The following CADM2 variants were observed in gnomAD, a reference collection of about 807,000 sequenced individuals.
CADM2 encodes the protein immunoglobulin superfamily member 4D.
CADM2 carries 12 observed loss-of-function variants against 49.8 expected under a neutral mutation model. The ratio of observed to expected loss-of-function variants is 0.24; its 90% CI spans 0.15 to 0.39. The LOEUF is 0.39. Ranked by LOEUF, CADM2 falls within the 10% of genes least tolerant of loss-of-function variation. The probability of loss-of-function intolerance (pLI) is 1.00; values close to 1 mark genes in which losing one functional copy is unlikely to be tolerated. For missense variants in CADM2, 378 were observed against 492.3 expected (o/e 0.77, Z 2.20); for synonymous variants, 214 against 175.4 (o/e 1.22, Z -1.74).
chr3:85,999,174 A>G (rs1232968926), intron 8 of CADM2, among the ~76,000 whole-genome samples: 1 of 151,746 alleles, frequency 6.6e-6, no homozygotes, highest in Non-Finnish European at 1.5e-5. Context: ...CAAATGTTTC[A>G]GAGAGGCCAA....
intron 1 of CADM2, among the ~76,000 whole-genome samples, chr3:85,332,222 A>G (rs2107154874): frequency 6.6e-6 from 1 of 152,224 alleles, no homozygotes; most frequent in South Asian, 2.1e-4. Context: ...ATAGTGGAAT[A>G]TTAGATGCAA....
intron 2 of CADM2, among the ~76,000 whole-genome samples, chr3:85,738,355 T>G (rs2068233229): frequency 6.6e-6 from 1 of 152,234 alleles, no homozygotes; most frequent in African/African-American, 2.4e-5. Flanking sequence ...TCACTTTTCA[T>G]GCATGAAATA....
At chr3:85,005,327 A>C (rs1274239288) in intron 1 of CADM2, among the ~76,000 whole-genome samples, 1 of 152,166 alleles carries the variant, frequency 6.6e-6, no homozygotes, top group African/African-American at 2.4e-5. Context: ...ATTTATAAAA[A>C]GAGGCAGTGG....
rs569345014 is a variant in CADM2 at position 85,995,914 on chromosome 3, A to C, written c.970+34267A>C. On this transcript the variant is annotated intron_variant, in intron 8 of 9. Coordinates refer to ENST00000383699, the MANE Select transcript of CADM2 (RefSeq NM_001167675.2). ...ACCGTCCTGGCTAACCAGGTGAAACACCGTCTCTATTAAAAATACAAAAAA... is the reference window on the plus strand; with the variant it reads ...ACCGTCCTGGCTAACCAGGTGAAACCCCGTCTCTATTAAAAATACAAAAAA... Among the ~76,000 whole-genome samples, 10 of 151,796 alleles carry C rather than the reference A, an allele frequency of 6.6e-5. No homozygotes were observed. In the South Asian group the frequency reaches 1.0e-3, roughly 16 times the overall value.
Position 85,427,195 on chromosome 3 carries a change from TATATA to T in CADM2, c.62-299326_62-299322del, listed in dbSNP as rs2036452705. Among the ~76,000 whole-genome samples, 19 of 120,198 alleles carry T rather than the reference TATATA, an allele frequency of 1.6e-4. No individual in the cohort carries two copies. In the South Asian group the frequency reaches 4.7e-3, roughly 30 times the overall value. The allele number at this position is 120,198 out of a possible 152,430, so 78.9% of individuals were successfully genotyped here. A position where few individuals can be genotyped will look rare whatever the true frequency, so the allele number is the denominator to read the frequency against. On this transcript the variant is annotated intron_variant, in intron 1 of 9. Transcript: ENST00000383699. Reference sequence around the variant, plus strand: ...ATATATATATATATATATATATATATATATATGTATAATAAGTTTGTAGCTACCAT... The same window carrying T: ...ATATATATATATATATATATATATATTGTATAATAAGTTTGTAGCTACCAT...
intron 1 of CADM2, among the ~76,000 whole-genome samples, chr3:85,035,975 G>T (rs2035194313): frequency 6.6e-6 from 1 of 152,164 alleles, no homozygotes; most frequent in Non-Finnish European, 1.5e-5. Context: ...AGAGAGCACA[G>T]TGCTAAGCAT....
At chr3:85,238,252 C>A (rs2042453692) in intron 1 of CADM2, among the ~76,000 whole-genome samples, 1 of 151,920 alleles carries the variant, frequency 6.6e-6, no homozygotes, top group South Asian at 2.1e-4. Context: ...GCCATATTTA[C>A]ATTCTATAAA....
In CADM2 at chr3:85,630,175, T is replaced by C. The variant is rs376089332; in HGVS notation, c.62-96347T>C. 3.3e-5 allele frequency among the ~76,000 whole-genome samples: 5 copies of C among 152,070 alleles called. 1 individual carries two copies. In the East Asian group the frequency reaches 9.6e-4, roughly 29 times the overall value. Reference sequence around the variant, plus strand: ...TCTAAGACCATGCTTTTTGCCACTCTATATTAATTTATAAATTTGTGGGAT... The same window carrying C: ...TCTAAGACCATGCTTTTTGCCACTCCATATTAATTTATAAATTTGTGGGAT... On this transcript the variant is annotated intron_variant, in intron 1 of 9. Coordinates refer to ENST00000383699, the MANE Select transcript of CADM2 (RefSeq NM_001167675.2).
intron 3 of CADM2, among the ~76,000 whole-genome samples, chr3:85,822,050 A>T (rs2073611760): frequency 6.6e-6 from 1 of 152,218 alleles, no homozygotes; most frequent in African/African-American, 2.4e-5. Flanking sequence ...AATGAACATC[A>T]TATACATCAA....
chr3:85,090,158 A>T (rs896411204), intron 1 of CADM2, among the ~76,000 whole-genome samples: 1 of 152,188 alleles, frequency 6.6e-6, no homozygotes, highest in African/African-American at 2.4e-5. Flanking sequence ...GTTGTAATTT[A>T]CTTGATTTGA....
intron 1 of CADM2, among the ~76,000 whole-genome samples, chr3:85,425,469 A>G (rs964424323): frequency 5.3e-5 from 8 of 152,186 alleles, no homozygotes. Flanking sequence ...TAACATATCC[A>G]TTACCTCAAA....
intron 1 of CADM2, among the ~76,000 whole-genome samples, chr3:85,517,859 A>G (rs1429635839): frequency 3.3e-5 from 5 of 152,120 alleles, no homozygotes; most frequent in African/African-American, 9.7e-5. Context: ...CACTGATTTA[A>G]GTTATTTATT....
At chr3:85,952,328 T>C (rs1342118735) in intron 7 of CADM2, among the ~76,000 whole-genome samples, 1 of 151,008 alleles carries the variant, frequency 6.6e-6, no homozygotes, top group Non-Finnish European at 1.5e-5. Flanking sequence ...TCTTATTTTC[T>C]AAGTGAGTGT....
At chr3:85,199,009 G>A (rs912678300) in intron 1 of CADM2, among the ~76,000 whole-genome samples, 48 of 151,648 alleles carry the variant, frequency 3.2e-4, no homozygotes, top group African/African-American at 1.1e-3. Flanking sequence ...TTTTTCCTCC[G>A]CTGCAGGAAG....
At chr3:85,675,172 T>C (rs1270019833) in intron 1 of CADM2, among the ~76,000 whole-genome samples, 2 of 152,154 alleles carry the variant, frequency 1.3e-5, no homozygotes, top group Non-Finnish European at 2.9e-5. Flanking sequence ...TATTGGGGCA[T>C]ATACAATTTT....
chr3:85,869,743 CTG>C (rs2075850536), intron 3 of CADM2, among the ~76,000 whole-genome samples: 2 of 152,174 alleles, frequency 1.3e-5, no homozygotes, highest in Non-Finnish European at 2.9e-5. Context: ...ACGGCAAGCT[CTG>C]CATCCTGGGT....
chr3:85,600,296 G>A (rs1185684269), intron 1 of CADM2, among the ~76,000 whole-genome samples: 1 of 151,856 alleles, frequency 6.6e-6, no homozygotes, highest in Non-Finnish European at 1.5e-5. Context: ...ACTAGCTGAG[G>A]TCCTAAGAGA....
intron 1 of CADM2, among the ~76,000 whole-genome samples, chr3:85,718,998 C>T (rs1353288731): frequency 6.6e-6 from 1 of 151,280 alleles, no homozygotes; most frequent in Non-Finnish European, 1.5e-5. Context: ...CTGCAACCTC[C>T]ACTTTTCACA....
At chr3:86,053,411 G>T (rs775399521) in intron 8 of CADM2, among the ~76,000 whole-genome samples, 1 of 152,092 alleles carries the variant, frequency 6.6e-6, no homozygotes, top group Non-Finnish European at 1.5e-5. Context: ...ATAGGTTCTG[G>T]ATTGGGAGAT....
Sources: gnomAD v4.1 joint callset for allele counts (sites outside exome capture counted in the v4.1 genomes callset) on GRCh38, gnomAD v4.1.1 for gene constraint, MANE v1.5 for transcripts, NCBI Gene and HGNC (gene_info 2026-07-23, HGNC 2026-07-21) for gene names.